PDE4D: variants seen among roughly 807,000 people sequenced by gnomAD.
PDE4D encodes the protein 3',5'-cyclic-AMP phosphodiesterase 4D.
In PDE4D, 24 loss-of-function variants were observed where a neutral mutation model predicts 87.4. The ratio of observed to expected loss-of-function variants is 0.27; its 90% CI spans 0.20 to 0.39. The LOEUF is 0.39. Ranked by LOEUF, PDE4D falls within the 10% of genes least tolerant of loss-of-function variation. The pLI, the probability that PDE4D is intolerant of heterozygous loss-of-function variation, is 1.00. For synonymous variants in PDE4D, 384 were observed against 383.2 expected, an observed-to-expected ratio of 1.00 and a Z score of -0.02; for missense variants, 714 against 1,041.0, an observed-to-expected ratio of 0.69 and a Z score of 4.32.
intron 1 of PDE4D, among the ~76,000 whole-genome samples, chr5:60,284,882 T>C (rs1022291554): frequency 2.1e-5 from 3 of 144,466 alleles, no homozygotes; most frequent in Non-Finnish European, 4.4e-5. Flanking sequence ...ATGCACATAG[T>C]TGGCTACTCT....
chr5:59,726,501 C>G (rs1756610314), intron 1 of PDE4D, among the ~76,000 whole-genome samples: 5 of 152,052 alleles, frequency 3.3e-5, no homozygotes, highest in Admixed American at 1.3e-4. Context: ...TCCACCATGT[C>G]AGAAGGCACT....
At chr5:60,013,126 G>A (rs943294549) in intron 2 of PDE4D, among the ~76,000 whole-genome samples, 4 of 151,980 alleles carry the variant, frequency 2.6e-5, no homozygotes, top group Non-Finnish European at 4.4e-5. Flanking sequence ...CCCTGACTCC[G>A]CTTTTTTGGA....
At chr5:59,648,040 A>G (rs1742769302) in intron 1 of PDE4D, among the ~76,000 whole-genome samples, 1 of 152,192 alleles carries the variant, frequency 6.6e-6, no homozygotes, top group Non-Finnish European at 1.5e-5. Context: ...AGTTTCCATA[A>G]GAGCTCTGCT....
At chr5:59,856,517 G>A (rs986813891) in intron 1 of PDE4D, among the ~76,000 whole-genome samples, 5 of 152,074 alleles carry the variant, frequency 3.3e-5, no homozygotes, top group South Asian at 2.1e-4. Flanking sequence ...TTCAGAATAC[G>A]GGAAAATACA....
chr5:59,102,005 T>G (rs544271623), intron 5 of PDE4D, among the ~76,000 whole-genome samples: 3 of 151,292 alleles, frequency 2.0e-5, no homozygotes, highest in Non-Finnish European at 4.4e-5. Context: ...TACAACATAA[T>G]CCAGGGGAGA....
At chr5:58,995,647 CTTTTGGGCCT>C (rs1037438458) in intron 6 of PDE4D, among the ~76,000 whole-genome samples, 1 of 152,128 alleles carries the variant, frequency 6.6e-6, no homozygotes, top group Admixed American at 6.5e-5. Flanking sequence ...TGGTCCATAA[CTTTTGGGCCT>C]TTTAAAGTAA....
At chr5:59,684,560 T>A (rs546658920) in intron 1 of PDE4D, among the ~76,000 whole-genome samples, 6 of 152,220 alleles carry the variant, frequency 3.9e-5, no homozygotes, top group Non-Finnish European at 8.8e-5. Context: ...GAGTAAGATG[T>A]GGAGATAGAA....
intron 1 of PDE4D, among the ~76,000 whole-genome samples, chr5:60,341,867 C>T (rs761936483): frequency 1.3e-5 from 2 of 152,156 alleles, no homozygotes; most frequent in African/African-American, 2.4e-5. Flanking sequence ...ATCAGCCCTC[C>T]ACCCCACCAC....
intron 1 of PDE4D, among the ~76,000 whole-genome samples, chr5:60,280,865 G>T (rs1320531390): frequency 1.3e-5 from 2 of 152,040 alleles, no homozygotes. Flanking sequence ...CTAAAATAAG[G>T]GCTGAGATAA....
intron 1 of PDE4D, among the ~76,000 whole-genome samples, chr5:59,654,643 CATT>C (rs1561413475): frequency 1.3e-5 from 2 of 152,176 alleles, no homozygotes; most frequent in African/African-American, 4.8e-5. Context: ...AATTCAGTGA[CATT>C]AGTGCATTCA....
intron 3 of PDE4D, among the ~76,000 whole-genome samples, chr5:59,985,575 A>G (rs1424017101): frequency 6.6e-6 from 1 of 151,980 alleles, no homozygotes; most frequent in African/African-American, 2.4e-5. Flanking sequence ...TTTAATATCT[A>G]CTTAGTTTGG....
At chr5:59,542,213 G>A (rs1816476672) in intron 1 of PDE4D, among the ~76,000 whole-genome samples, 1 of 151,784 alleles carries the variant, frequency 6.6e-6, no homozygotes, top group African/African-American at 2.4e-5. Context: ...AGTCCCTGTT[G>A]CTAAAATCCT....
chr5:60,431,199 G>C (rs949819685), intron 1 of PDE4D: 1 of 192,958 alleles, frequency 5.2e-6, no homozygotes, highest in Non-Finnish European at 1.1e-5. Flanking sequence ...TCCCAGACAG[G>C]GTGGCTGCTG....
chr5:60,138,012 G>T (rs560768236), intron 2 of PDE4D, among the ~76,000 whole-genome samples: 7 of 152,178 alleles, frequency 4.6e-5, no homozygotes, highest in African/African-American at 1.7e-4. Context: ...TGGCTAGCCC[G>T]TTGTCCCAGC....
At position 60,224,859 on chromosome 5, in the gene PDE4D, C is replaced by T. The variant is rs560825593; in HGVS notation, c.-89-39172G>A. On this transcript the variant is annotated intron_variant, in intron 1 of 16. Coordinates refer to the PDE4D transcript ENST00000502484. ...GTGGCCATTTTTAATCTGGGGGAGG[C>T]GGGGAGAGGGAAAGAGCAAGCCACT... Among the ~76,000 whole-genome samples the T allele has an allele frequency of 4.0e-3, 613 of 151,510 alleles. 5 individuals carry two copies. Among genetic ancestry groups the T allele is most frequent in the African/African-American group, 0.014 (580 of 41,332 alleles).
intron 1 of PDE4D, among the ~76,000 whole-genome samples, chr5:59,463,457 G>A (rs1254786185): frequency 6.6e-6 from 1 of 152,180 alleles, no homozygotes; most frequent in Non-Finnish European, 1.5e-5. Flanking sequence ...CATTACTGAT[G>A]CAAACCTGGT....
At chr5:59,091,451 T>C (rs1190625866) in intron 5 of PDE4D, among the ~76,000 whole-genome samples, 1 of 152,136 alleles carries the variant, frequency 6.6e-6, no homozygotes, top group African/African-American at 2.4e-5. Context: ...TATATCATGA[T>C]ATATATTATG....
intron 2 of PDE4D, among the ~76,000 whole-genome samples, chr5:60,065,885 C>T (rs1220306327): frequency 1.3e-5 from 2 of 152,146 alleles, no homozygotes; most frequent in Non-Finnish European, 2.9e-5. Flanking sequence ...AATAGTGCAG[C>T]TATAAACATA....
chr5:60,094,457 T>C (rs1210831916), intron 2 of PDE4D, among the ~76,000 whole-genome samples: 2 of 152,128 alleles, frequency 1.3e-5, no homozygotes, highest in Non-Finnish European at 2.9e-5. Flanking sequence ...TCCCCAGAAT[T>C]CATATATTGA....
Sources: allele counts gnomAD v4.1 joint callset (sites outside exome capture counted in the v4.1 genomes callset), GRCh38; gene constraint gnomAD v4.1.1; transcripts MANE v1.5; gene names NCBI Gene and HGNC (gene_info 2026-07-23, HGNC 2026-07-21).